The following CERT1 variants were observed in gnomAD, a reference collection of about 807,000 sequenced individuals.
The protein encoded by CERT1 is ceramide transfer protein.
In CERT1, 31 loss-of-function variants were observed where a neutral mutation model predicts 87.9. That is an observed-to-expected ratio of 0.35 (90% CI 0.27 to 0.48). The LOEUF is 0.48. Ranked by LOEUF, CERT1 falls within the 20% of genes least tolerant of loss-of-function variation. CERT1 has a pLI of 0.99. For synonymous variants in CERT1, 289 were observed against 250.9 expected (o/e 1.15, Z -1.44); for missense variants, 487 against 758.0 (o/e 0.64, Z 4.20).
chr5:75,417,665 G>A (rs1261690339), intron 6 of CERT1, among the ~76,000 whole-genome samples: 2 of 152,036 alleles, frequency 1.3e-5, no homozygotes, highest in Non-Finnish European at 1.5e-5. Context: ...CTTTAAAAAC[G>A]ATTAGAGATA....
At chr5:75,484,358 A>C (rs1462608795) in intron 2 of CERT1, among the ~76,000 whole-genome samples, 1 of 151,934 alleles carries the variant, frequency 6.6e-6, no homozygotes, top group African/African-American at 2.4e-5. Flanking sequence ...AAATAACCAG[A>C]AAACAAATAA....
At chr5:75,375,021 C>A, downstream of CERT1, 1 of 221,130 alleles carries the variant, frequency 4.5e-6, no homozygotes, top group Admixed American at 5.6e-5. Flanking sequence ...CAGTCACATC[C>A]TTGGCCTCAC....
At chr5:75,395,751 G>A (rs371243914) in intron 11 of CERT1, among the ~76,000 whole-genome samples, 1 of 151,846 alleles carries the variant, frequency 6.6e-6, no homozygotes, top group Non-Finnish European at 1.5e-5. Context: ...AATCCCAGCT[G>A]AGACAGGAGA....
intron 11 of CERT1, among the ~76,000 whole-genome samples, chr5:75,396,128 T>C (rs980101460): frequency 1.1e-4 from 16 of 152,158 alleles, no homozygotes; most frequent in African/African-American, 3.6e-4. Flanking sequence ...AAGAACAAGG[T>C]AGTCATGAGC....
At chr5:75,461,778 G>C (rs771281839) in intron 2 of CERT1, among the ~76,000 whole-genome samples, 9 of 134,734 alleles carry the variant, frequency 6.7e-5, no homozygotes, top group Non-Finnish European at 1.4e-4. Context: ...AAGTGGTATA[G>C]AAAGTCTGTG....
intron 3 of CERT1, among the ~76,000 whole-genome samples, chr5:75,429,099 C>T (rs990972757): frequency 1.3e-5 from 2 of 151,268 alleles, no homozygotes; most frequent in Admixed American, 6.6e-5. Flanking sequence ...AACATCCCTA[C>T]CCCTACTTCC....
At chr5:75,499,133 G>T (rs968298059) in intron 2 of CERT1, among the ~76,000 whole-genome samples, 3 of 152,206 alleles carry the variant, frequency 2.0e-5, no homozygotes, top group African/African-American at 7.2e-5. Flanking sequence ...ATCTAAGAAG[G>T]AACTAACTTG....
At chr5:75,374,418 G>GAAA, downstream of CERT1, 2 of 542,182 alleles carry the variant, frequency 3.7e-6, no homozygotes, top group South Asian at 2.4e-5. Context: ...TCAAAAGTTA[G>GAAA]AAAAAAAAAC....
chr5:75,511,651 T>C (rs1212067267), upstream of CERT1: 1 of 1,508,260 alleles, frequency 6.6e-7, no homozygotes, highest in African/African-American at 1.4e-5. Flanking sequence ...CCCTGTCCTT[T>C]CCCCTCCCCT....
chr5:75,459,887 G>A (rs1047528116), intron 2 of CERT1, among the ~76,000 whole-genome samples: 9 of 150,984 alleles, frequency 6.0e-5, no homozygotes, highest in East Asian at 2.0e-4. Flanking sequence ...GCTTAAACCC[G>A]GGAGGCCGAG....
intron 9 of CERT1, chr5:75,400,923 G>GT (rs1387310114): frequency 1.3e-5 from 2 of 152,104 alleles, no homozygotes; most frequent in African/African-American, 4.8e-5. Context: ...TTTATCCCAT[G>GT]TATCTTTCTT....
intron 2 of CERT1, among the ~76,000 whole-genome samples, chr5:75,473,718 G>A (rs947771592): frequency 1.1e-4 from 17 of 152,092 alleles, no homozygotes; most frequent in Admixed American, 9.8e-4. Flanking sequence ...AATGCTGAGA[G>A]TGGATGCTCA....
chr5:75,390,712 A>C (rs1445249328), intron 11 of CERT1, among the ~76,000 whole-genome samples: 5 of 152,164 alleles, frequency 3.3e-5, no homozygotes, highest in Non-Finnish European at 7.4e-5. Flanking sequence ...TTTTATCCTT[A>C]AGTTTAACTA....
chr5:75,456,782 C>T (rs541892249), intron 3 of CERT1, among the ~76,000 whole-genome samples: 64 of 151,882 alleles, frequency 4.2e-4, no homozygotes, highest in African/African-American at 1.5e-3. Context: ...CAGCTTAAGT[C>T]CCACTGCTCT....
chr5:75,408,940 A>AG (rs1762821230), intron 8 of CERT1, among the ~76,000 whole-genome samples: 1 of 152,012 alleles, frequency 6.6e-6, no homozygotes, highest in Admixed American at 6.6e-5. Context: ...GAAAAAAAAA[A>AG]CAAAACCTGT....
At chr5:75,470,957 A>G (rs555994504) in intron 2 of CERT1, among the ~76,000 whole-genome samples, 12 of 152,066 alleles carry the variant, frequency 7.9e-5, no homozygotes, top group Admixed American at 2.6e-4. Context: ...CTATCTGGGG[A>G]AAAAAAAGAA....
intron 3 of CERT1, among the ~76,000 whole-genome samples, chr5:75,438,852 C>A (rs1764195924): frequency 6.6e-6 from 1 of 151,856 alleles, no homozygotes; most frequent in South Asian, 2.1e-4. Context: ...CACCTCCTAC[C>A]CAGATCAAGG....
At chr5:75,490,938 AT>A (rs1361700507) in intron 2 of CERT1, among the ~76,000 whole-genome samples, 1 of 151,244 alleles carries the variant, frequency 6.6e-6, no homozygotes, top group Admixed American at 6.6e-5. Context: ...TTTGTTCTTG[AT>A]TTTGAATTTG....
chr5:75,384,500 A>G (rs953320563), intron 14 of CERT1, 142 bp downstream of exon 14: 9 of 595,962 alleles, frequency 1.5e-5, no homozygotes, highest in Admixed American at 3.1e-5. Flanking sequence ...TTTTAAATAC[A>G]TGACATTCAT....
Sources: gnomAD v4.1 joint callset for allele counts (sites outside exome capture counted in the v4.1 genomes callset) on GRCh38, gnomAD v4.1.1 for gene constraint, MANE v1.5 for transcripts, NCBI Gene and HGNC (gene_info 2026-07-23, HGNC 2026-07-21) for gene names.